ALPK3: variants seen among roughly 807,000 people sequenced by gnomAD.
ALPK3 encodes the protein alpha kinase 3.
Under a neutral mutation model 140.0 loss-of-function variants are expected in ALPK3, and 102 were observed. That is an observed-to-expected ratio of 0.73 (90% confidence interval 0.62 to 0.86). ALPK3 has a LOEUF of 0.86. Ranked by LOEUF, ALPK3 falls within the 40% of genes least tolerant of loss-of-function variation. ALPK3 has a pLI of 0.00. For missense variants in ALPK3, 2,254 were observed against 2,208.2 expected, an observed-to-expected ratio of 1.02 and a Z score of -0.42; for synonymous variants, 938 against 898.5, an observed-to-expected ratio of 1.04 and a Z score of -0.79.
chr15:84,837,571 T>C (rs1163638980), intron 3 of ALPK3, among the ~76,000 whole-genome samples: 1 of 152,258 alleles, frequency 6.6e-6, no homozygotes, highest in East Asian at 1.9e-4. Flanking sequence ...GCCAGTCATA[T>C]GTACTTAATA....
chr15:84,831,179 G>A (rs1963542119), intron 3 of ALPK3, among the ~76,000 whole-genome samples: 1 of 152,096 alleles, frequency 6.6e-6, no homozygotes. Context: ...CCTTGCATGT[G>A]ACCAGTTTTT....
rs1390397469 is a variant in ALPK3, at chr15:84,862,677, G to A, written c.4172G>A (p.Gly1391Asp). Residue 1391 changes from glycine to aspartate, a missense_variant, in exon 10 of 14, where the codon GGT becomes GAT. By Grantham distance (94) the Gly-to-Asp change is moderately conservative (BLOSUM62 -1). Coordinates refer to ENST00000258888, the MANE Select transcript of ALPK3 (RefSeq NM_020778.5). ...IEMTPMVFAK[G>D]LADSGCWGDK... ...ATGACCCCTATGGTGTTTGCTAAGG[G>A]TCTGGCTGACTCTGGCTGCTGGGGG... 6.2e-7 allele frequency: 1 copy of A among 1,614,040 alleles called. No homozygotes were observed. The highest frequency in any genetic ancestry group is 8.5e-7 in the Non-Finnish European group (1 of 1,180,030).
Position 84,837,854 on chromosome 15 carries a change from G to C in ALPK3, c.305-1126G>C, listed in dbSNP as rs545834152. The stretch of plus-strand genomic sequence containing the variant: ...TGTTTGCTTCTCAGTCCATGTGGCA[G>C]AACATGGCTGCTCTACTCTTTTGAA... On this transcript the variant is annotated intron_variant, in intron 3 of 13. Coordinates refer to ENST00000258888, the MANE Select transcript of ALPK3 (RefSeq NM_020778.5). Among the ~76,000 whole-genome samples the C allele has an allele frequency of 9.2e-5, 14 of 152,348 alleles. No individual in the cohort carries two copies. In the South Asian group the frequency reaches 2.5e-3, roughly 27 times the overall value.
intron 12 of ALPK3, among the ~76,000 whole-genome samples, chr15:84,866,380 G>A (rs1964003773): frequency 6.6e-6 from 1 of 152,202 alleles, no homozygotes; most frequent in South Asian, 2.1e-4. Flanking sequence ...TTAGAGATAT[G>A]AAGTGACTTG....
At chr15:84,827,873 ACTAATGGC>A (rs1963507223) in intron 3 of ALPK3, among the ~76,000 whole-genome samples, 1 of 152,224 alleles carries the variant, frequency 6.6e-6, no homozygotes, top group African/African-American at 2.4e-5. Context: ...TACATCCATG[ACTAATGGC>A]CTTATTTGTT....
intron 5 of ALPK3, among the ~76,000 whole-genome samples, chr15:84,853,491 G>A (rs1256410583): frequency 6.6e-6 from 1 of 152,168 alleles, no homozygotes. Flanking sequence ...GCACATGCCT[G>A]TAATCCCAGC....
chr15:84,840,371 G>A lies in ALPK3; in HGVS notation c.1092G>A (p.Glu364=), dbSNP rs143928374. Residue 364 remains glutamate (E), a synonymous_variant, in exon 5 of 14, where the codon GAG becomes GAA. Transcript: ENST00000258888. ...GGACTCAGGGGCCCGTGGGCGTGGA[G>A]CAGGTTCAGACCCAGCCCAGAGGCA... ...SCGTQGPVGV[E]QVQTQPRGRA... 2.0e-5 allele frequency: 32 copies of A among 1,613,566 alleles called. No homozygotes were observed. The African/African-American group carries it at 4.1e-4, about 21-fold the overall frequency.
In ALPK3 at chr15:84,827,581, G is replaced by A. The variant is rs1001137642; in HGVS notation, c.280G>A (p.Val94Ile). Residue 94 changes from valine (V) to isoleucine (I), a missense_variant, in exon 3 of 14, where the codon GTC becomes ATC. By Grantham distance (29) the Val-to-Ile change is conservative. Around this residue, in one of 3 missense-constraint regions of ALPK3, gnomAD observed 2,088 missense variants for 2,022.9 expected, o/e 1.03. Coordinates refer to ENST00000258888, the MANE Select transcript of ALPK3 (RefSeq NM_020778.5). Reference protein sequence around the residue: ...KSRSVSEDSDVRFTCIVTGYP... With the variant: ...KSRSVSEDSDIRFTCIVTGYP... ...CCGGTCTGTGTCCGAGGACAGCGACGTCAGGTTCACCTGCATCGTCACAGG... is the reference window on the plus strand; with the variant it reads ...CCGGTCTGTGTCCGAGGACAGCGACATCAGGTTCACCTGCATCGTCACAGG... 6.8e-6 allele frequency: 11 copies of A among 1,614,160 alleles called. No homozygotes were observed. Among genetic ancestry groups the A allele is most frequent in the African/African-American group, 4.0e-5 (3 of 75,066 alleles).
rs1386070718 is a variant in ALPK3 at position 84,863,623 on chromosome 15, C to T, written c.4482C>T (p.Gly1494=). The T allele has an allele frequency of 1.2e-6, 2 of 1,613,888 alleles. No homozygotes were observed. Among genetic ancestry groups the T allele is most frequent in the Non-Finnish European group, 1.7e-6 (2 of 1,179,968 alleles). The change falls in exon 11 of 14, where the codon GGC becomes GGT. Residue 1494 remains glycine, a synonymous_variant. Coordinates refer to ENST00000258888, the MANE Select transcript of ALPK3 (RefSeq NM_020778.5). ...IFAAEARAAP[G]FGEVPEIIPL... ...CAGCAGAAGCCCGGGCCGCGCCTGG[C>T]TTTGGGGAGGTGCCTGAGTAAGTAC...
chr15:84,859,490 TCA>T (rs1963914660), intron 7 of ALPK3, 100 bp downstream of exon 7: 10 of 1,463,448 alleles, frequency 6.8e-6, no homozygotes, highest in Non-Finnish European at 7.3e-6. Flanking sequence ...TCATTAATCC[TCA>T]CAATAACCAG....
At chr15:84,825,512 A>C (rs1457967986) in intron 2 of ALPK3, among the ~76,000 whole-genome samples, 1 of 152,164 alleles carries the variant, frequency 6.6e-6, no homozygotes, top group Non-Finnish European at 1.5e-5. Flanking sequence ...TGTCTCTGCA[A>C]ATTTTCTTAA....
Position 84,857,132 on chromosome 15 carries a change from C to T in ALPK3, c.2394C>T (p.Leu798=). Residue 798 remains leucine (L), a synonymous_variant, in exon 6 of 14, where the codon CTC becomes CTT. Transcript: ENST00000258888. The part of the protein sequence containing the change: ...QTVLGPLSGN[L]MLPAQPPHEG... ...TGCTGGGTCCCCTGTCAGGGAACCT[C>T]ATGCTCCCAGCACAGCCGCCCCATG... 6.2e-7 allele frequency: 1 copy of T among 1,614,122 alleles called. No homozygotes were observed.
At chr15:84,862,165 A>T (rs1231238715) in intron 9 of ALPK3, among the ~76,000 whole-genome samples, 1 of 152,166 alleles carries the variant, frequency 6.6e-6, no homozygotes, top group Non-Finnish European at 1.5e-5. Context: ...TTTGAGCATT[A>T]GGGGTGCTCA....
chr15:84,825,973 C>CT (rs1371178443), intron 2 of ALPK3, among the ~76,000 whole-genome samples: 4 of 152,130 alleles, frequency 2.6e-5, no homozygotes, highest in African/African-American at 9.7e-5. Context: ...CAGAACATGT[C>CT]TAACTGCAGA....
intron 5 of ALPK3, 123 bp from the exon 6 acceptor site, chr15:84,856,269 C>G: frequency 7.1e-7 from 1 of 1,404,394 alleles, no homozygotes; most frequent in East Asian, 2.3e-5. Context: ...GCCTGAGAAA[C>G]CAGGAGGCAA....
chr15:84,834,651 GT>G (rs1186086352), intron 3 of ALPK3, among the ~76,000 whole-genome samples: 1 of 152,252 alleles, frequency 6.6e-6, no homozygotes, highest in Non-Finnish European at 1.5e-5. Context: ...ACTGGGAATG[GT>G]TGGGACAAGG....
intron 3 of ALPK3, among the ~76,000 whole-genome samples, chr15:84,829,266 C>G (rs1484769179): frequency 1.3e-5 from 2 of 152,156 alleles, no homozygotes; most frequent in South Asian, 4.1e-4. Context: ...CTCTTTTATA[C>G]CATCATTTTC....
intron 1 of ALPK3, 90 bp downstream of exon 1, chr15:84,817,685 G>A (rs1275158587): frequency 4.5e-6 from 6 of 1,339,420 alleles, no homozygotes; most frequent in Non-Finnish European, 5.7e-6. Flanking sequence ...GGAGGCCTGG[G>A]CTGGGCCTGC....
intron 2 of ALPK3, among the ~76,000 whole-genome samples, chr15:84,826,803 T>C (rs1963493542): frequency 6.6e-6 from 1 of 152,136 alleles, no homozygotes; most frequent in Admixed American, 6.5e-5. Flanking sequence ...TATCCAGGGA[T>C]GGAGCAGGGG....
Sources: allele counts gnomAD v4.1 joint callset (sites outside exome capture counted in the v4.1 genomes callset), GRCh38; gene constraint gnomAD v4.1.1; regional missense constraint gnomAD v4.1.1; transcripts MANE v1.5; gene names NCBI Gene and HGNC (gene_info 2026-07-23, HGNC 2026-07-21).